Variants in ACBD6 observed in about 807,000 individuals in gnomAD.
ACBD6 encodes acyl-CoA-binding domain-containing protein 6.
ACBD6 carries 28 observed loss-of-function variants against 37.2 expected under a neutral mutation model. The ratio of observed to expected loss-of-function variants is 0.75; its 90% confidence interval spans 0.56 to 1.03. The LOEUF is 1.03. Among genes scored for constraint, ACBD6 ranks in the 50% least tolerant of loss-of-function variants. The probability of loss-of-function intolerance (pLI) is 0.00; values close to 1 mark genes in which losing one functional copy is unlikely to be tolerated. For synonymous variants in ACBD6, 113 were observed against 126.8 expected (o/e 0.89, Z 0.73); for missense variants, 340 against 337.4 (o/e 1.01, Z -0.06).
chr1:180,287,578 CTTTT>C (rs72179174), downstream of ACBD6, among the ~76,000 whole-genome samples: 28 of 71,586 alleles, frequency 3.9e-4, no homozygotes, highest in African/African-American at 1.2e-3. Flanking sequence ...CAGATCTAAG[CTTTT>C]TTTTTTTTTT....
intron 3 of ACBD6, among the ~76,000 whole-genome samples, chr1:180,470,142 A>T (rs1650504627): frequency 6.6e-6 from 1 of 152,192 alleles, no homozygotes; most frequent in Non-Finnish European, 1.5e-5. Context: ...ATGCATGCTA[A>T]ATTTCCCTAT....
chr1:180,297,834 G>A (rs959931172), intron 7 of ACBD6, among the ~76,000 whole-genome samples: 5 of 152,088 alleles, frequency 3.3e-5, no homozygotes, highest in East Asian at 1.9e-4. Context: ...TCTGCCTCCC[G>A]GGTTCGAGCG....
intron 2 of ACBD6, among the ~76,000 whole-genome samples, chr1:180,494,321 A>C (rs899639384): frequency 2.0e-5 from 3 of 152,264 alleles, no homozygotes; most frequent in African/African-American, 7.2e-5. Flanking sequence ...ACAGAAAAAA[A>C]TAAAGGTATA....
chr1:180,389,602 G>C (rs1653990087), intron 6 of ACBD6, among the ~76,000 whole-genome samples: 1 of 152,206 alleles, frequency 6.6e-6, no homozygotes, highest in Non-Finnish European at 1.5e-5. Context: ...GGTTGAACTA[G>C]TTTAAAGTCC....
At chr1:180,392,822 CGCAGG>C (rs1558280137) in intron 6 of ACBD6, among the ~76,000 whole-genome samples, 78 of 152,030 alleles carry the variant, frequency 5.1e-4, no homozygotes, top group African/African-American at 1.8e-3. Context: ...ACCGAGAGGG[CGCAGG>C]GCTAGTCTAT....
intron 6 of ACBD6, among the ~76,000 whole-genome samples, chr1:180,363,749 C>T (rs778532681): frequency 6.6e-6 from 1 of 152,144 alleles, no homozygotes; most frequent in Non-Finnish European, 1.5e-5. Context: ...TTAAACTTCA[C>T]ATGTGTCCTT....
At chr1:180,389,252 T>C (rs1369130800) in intron 6 of ACBD6, among the ~76,000 whole-genome samples, 9 of 152,050 alleles carry the variant, frequency 5.9e-5, no homozygotes, top group Admixed American at 5.9e-4. Flanking sequence ...ACATGCGGAG[T>C]TTGGTTTTTA....
intron 3 of ACBD6, among the ~76,000 whole-genome samples, chr1:180,471,180 T>G (rs1650550856): frequency 6.6e-6 from 1 of 151,984 alleles, no homozygotes; most frequent in Admixed American, 6.5e-5. Context: ...TGGGCAGATC[T>G]CTTAAGCCCA....
intron 6 of ACBD6, among the ~76,000 whole-genome samples, chr1:180,340,441 C>T (rs1651935670): frequency 6.6e-6 from 1 of 151,936 alleles, no homozygotes; most frequent in Non-Finnish European, 1.5e-5. Context: ...TGGAAGTGAA[C>T]ATTTGAGATC....
At chr1:180,481,356 G>A (rs1404482190) in intron 3 of ACBD6, among the ~76,000 whole-genome samples, 1 of 151,958 alleles carries the variant, frequency 6.6e-6, no homozygotes, top group African/African-American at 2.4e-5. Flanking sequence ...GGTTAAAACT[G>A]CAAGAATGAT....
At chr1:180,274,408 G>GGACA in intron 10 of ACBD6, 1 of 1,614,162 alleles carries the variant, frequency 6.2e-7, no homozygotes, top group Non-Finnish European at 8.5e-7. Flanking sequence ...ATTACACGGT[G>GGACA]GACAGTAATT....
At chr1:180,452,158 C>T (rs1649732458) in intron 3 of ACBD6, among the ~76,000 whole-genome samples, 1 of 152,046 alleles carries the variant, frequency 6.6e-6, no homozygotes, top group Admixed American at 6.6e-5. Context: ...CGGGTAAGAT[C>T]TAAAATCGAC....
intron 8 of ACBD6, among the ~76,000 whole-genome samples, chr1:180,283,170 T>C (rs556114815): frequency 6.6e-6 from 1 of 152,268 alleles, no homozygotes; most frequent in Non-Finnish European, 1.5e-5. Context: ...AAAGTGTCCA[T>C]CAACTGAACT....
intron 7 of ACBD6, among the ~76,000 whole-genome samples, chr1:180,313,290 A>G (rs189509909): frequency 4.6e-5 from 7 of 152,272 alleles, no homozygotes; most frequent in Non-Finnish European, 8.8e-5. Flanking sequence ...TTCATAAGTG[A>G]GTTGAGGCTG....
At chr1:180,462,732 T>G (rs898165771) in intron 3 of ACBD6, among the ~76,000 whole-genome samples, 4 of 152,184 alleles carry the variant, frequency 2.6e-5, no homozygotes, top group African/African-American at 9.7e-5. Flanking sequence ...CAAATGGACC[T>G]GATAAGTATC....
intron 3 of ACBD6, among the ~76,000 whole-genome samples, chr1:180,482,355 T>TG (rs1460576854): frequency 6.6e-6 from 1 of 151,124 alleles, no homozygotes; most frequent in African/African-American, 2.4e-5. Flanking sequence ...GAAAGGAGAG[T>TG]GTCAGTTCTC....
At chr1:180,454,880 G>A (rs78079295) in intron 3 of ACBD6, among the ~76,000 whole-genome samples, 73,883 of 152,048 alleles carry the variant, frequency 0.49, 20,773 homozygotes, top group South Asian at 0.66. Flanking sequence ...ACAGGTACTG[G>A]AGAGGATGTG....
At chr1:180,274,073 A>G (rs1214800068) in exon 11 of ACBD6, 2 of 1,357,164 alleles carry the variant, frequency 1.5e-6, no homozygotes, top group Non-Finnish European at 2.1e-6. Context: ...GCTGCAAGGC[A>G]GCTGCCATCC....
intron 5 of ACBD6, among the ~76,000 whole-genome samples, chr1:180,410,938 G>A (rs996154605): frequency 2.0e-5 from 3 of 152,216 alleles, no homozygotes; most frequent in Admixed American, 2.0e-4. Context: ...CACCATTCCA[G>A]ATGCCATTAA....
Sources: gnomAD v4.1 joint callset for allele counts (sites outside exome capture counted in the v4.1 genomes callset) on GRCh38, gnomAD v4.1.1 for gene constraint, MANE v1.5 for transcripts, NCBI Gene and HGNC (gene_info 2026-07-23, HGNC 2026-07-21) for gene names.